Variants in DOCK11 observed in about 807,000 individuals in gnomAD.
The protein encoded by DOCK11 is dedicator of cytokinesis 11.
DOCK11 carries 70 observed loss-of-function variants against 169.1 expected under a neutral mutation model. That is an observed-to-expected ratio of 0.41 (90% confidence interval 0.34 to 0.51). The LOEUF is 0.51. Ranked by LOEUF, DOCK11 falls within the 20% of genes least tolerant of loss-of-function variation. DOCK11 has a pLI of 0.10. For synonymous variants in DOCK11, 529 were observed against 541.3 expected (o/e 0.98, Z 0.32); for missense variants, 1,166 against 1,538.8 (o/e 0.76, Z 4.05).
chrX:118,638,753 A>G (rs2015452670), intron 37 of DOCK11, among the ~76,000 whole-genome samples: 1 of 111,587 alleles, frequency 9.0e-6, no homozygotes, highest in Admixed American at 9.6e-5. Flanking sequence ...TCCTAAGGAT[A>G]GGTAGTTTGG....
intron 9 of DOCK11, among the ~76,000 whole-genome samples, chrX:118,566,980 A>G (rs1200909335): frequency 5.3e-5 from 6 of 112,514 alleles, no homozygotes; most frequent in African/African-American, 1.9e-4. Context: ...CAAAAGGATA[A>G]TGATGCAGCT....
intron 32 of DOCK11, 26 bp from the exon 33 acceptor site, chrX:118,627,478 G>A (rs766091076): frequency 8.9e-7 from 1 of 1,120,945 alleles, no homozygotes; most frequent in South Asian, 1.9e-5. Flanking sequence ...TTGTTTAAAT[G>A]ACACAGGTAT....
At chrX:118,556,817 G>A (rs1447433954) in intron 6 of DOCK11, among the ~76,000 whole-genome samples, 1 of 109,253 alleles carries the variant, frequency 9.2e-6, no homozygotes, top group African/African-American at 3.3e-5. Context: ...AGCACACTTG[G>A]CAGGACCTGA....
At chrX:118,532,934 G>T (rs1018279333) in intron 1 of DOCK11, among the ~76,000 whole-genome samples, 1 of 110,438 alleles carries the variant, frequency 9.1e-6, no homozygotes, top group African/African-American at 3.3e-5. Flanking sequence ...AGTCAAAGGA[G>T]CTATCACTTT....
chrX:118,566,188 A>G lies in DOCK11; in HGVS notation c.871+6A>G. ...GACGGTAGAAACAGCACAAGGTCAG[A>G]ATTTTAAAGTGATTTATTATTGAAG... On this transcript the variant is annotated splice_donor_region_variant and intron_variant, in intron 8 of 52. Transcript: ENST00000276202. 8.4e-7 allele frequency: 1 copy of G among 1,185,865 alleles called. No homozygotes were observed. Among genetic ancestry groups the G allele is most frequent in the Non-Finnish European group, 1.1e-6 (1 of 878,919 alleles).
intron 1 of DOCK11, among the ~76,000 whole-genome samples, chrX:118,539,603 A>G (rs2011889211): frequency 8.9e-6 from 1 of 111,933 alleles, no homozygotes; most frequent in South Asian, 3.7e-4. Flanking sequence ...ATCACAAGAA[A>G]TGTTAAATAT....
chrX:118,663,470 G>C, intron 45 of DOCK11, among the ~76,000 whole-genome samples: 1 of 111,067 alleles, frequency 9.0e-6, no homozygotes, highest in East Asian at 2.8e-4. Flanking sequence ...CACCCTGAAG[G>C]CATCCTAAGA....
intron 1 of DOCK11, among the ~76,000 whole-genome samples, chrX:118,537,445 C>A (rs58587486): frequency 0.011 from 1,281 of 111,455 alleles, 21 homozygotes; most frequent in East Asian, 0.092. Flanking sequence ...AACTAATGAC[C>A]TTTGGTATGG....
In DOCK11 at chrX:118,641,246, G is replaced by A; in HGVS notation, c.4201G>A (p.Ala1401Thr). 2 of 1,210,454 alleles carry A rather than the reference G, an allele frequency of 1.7e-6. No individual in the cohort carries two copies. Among genetic ancestry groups the A allele is most frequent in the Non-Finnish European group, 2.2e-6 (2 of 894,285 alleles). Residue 1401 changes from alanine (A) to threonine (T), a missense_variant, in exon 39 of 53, where the codon GCT becomes ACT. Coordinates refer to ENST00000276202, the MANE Select transcript of DOCK11 (RefSeq NM_144658.4). ...FHQALLEGNT[A>T]TEVSLTVLDT... ...CCAGGCACTTCTTGAAGGCAATACA[G>A]CTACTGAAGTTTCCCTAACAGTACT...
At chrX:118,612,017 A>G (rs2014696290) in intron 28 of DOCK11, among the ~76,000 whole-genome samples, 1 of 112,230 alleles carries the variant, frequency 8.9e-6, no homozygotes, top group African/African-American at 3.2e-5. Flanking sequence ...TAACTGTGAT[A>G]AAGTGGGTAA....
Position 118,514,571 on chromosome X carries a change from A to G in DOCK11, c.102+18498A>G, listed in dbSNP as rs771420703. Among the ~76,000 whole-genome samples, 47 of 111,710 alleles carry G rather than the reference A, an allele frequency of 4.2e-4. 1 individual carries two copies. Among genetic ancestry groups the G allele is most frequent in the Non-Finnish European group, 8.9e-4 (47 of 53,046 alleles). ...ACCCAGATTTCCTAGAGGGGACTTC[A>G]TGGCCCTTCATGTCCACCAGTAAGG... On this transcript the variant is annotated intron_variant, in intron 1 of 52. Coordinates refer to ENST00000276202, the MANE Select transcript of DOCK11 (RefSeq NM_144658.4).
chrX:118,590,392 C>A (rs973382358), intron 19 of DOCK11, 90 bp downstream of exon 19: 2 of 747,891 alleles, frequency 2.7e-6, no homozygotes, highest in Non-Finnish European at 4.0e-6. Flanking sequence ...CCAGCACTTT[C>A]AATCCCTGAG....
At chrX:118,574,128 A>T in intron 12 of DOCK11, 110 bp downstream of exon 12, 1 of 838,517 alleles carries the variant, frequency 1.2e-6, no homozygotes, top group Non-Finnish European at 1.7e-6. Context: ...TCTCTCTTGT[A>T]AGGTCTGTCG....
chrX:118,581,393 G>T (rs1438725635), intron 14 of DOCK11, among the ~76,000 whole-genome samples: 2 of 111,382 alleles, frequency 1.8e-5, no homozygotes, highest in African/African-American at 3.3e-5. Context: ...AGTAGCAGAG[G>T]TTGGTGTATG....
intron 1 of DOCK11, among the ~76,000 whole-genome samples, chrX:118,514,085 C>G (rs2057667395): frequency 9.0e-6 from 1 of 111,113 alleles, no homozygotes; most frequent in Non-Finnish European, 1.9e-5. Flanking sequence ...GCATGCTGTT[C>G]TGGTGATAGT....
At chrX:118,581,128 G>C (rs1402561167) in intron 14 of DOCK11, among the ~76,000 whole-genome samples, 2 of 112,146 alleles carry the variant, frequency 1.8e-5, no homozygotes, top group Non-Finnish European at 3.8e-5. Context: ...AGCCTGTACA[G>C]CTCACTGGGG....
chrX:118,599,086 C>A, intron 22 of DOCK11, 53 bp from the exon 23 acceptor site: 1 of 992,107 alleles, frequency 1.0e-6, no homozygotes, highest in Non-Finnish European at 1.4e-6. Flanking sequence ...AGAGAGCTTG[C>A]ATTTGAGGAT....
chrX:118,618,763 G>A, intron 31 of DOCK11, 35 bp downstream of exon 31: 1 of 1,037,573 alleles, frequency 9.6e-7, no homozygotes, highest in Non-Finnish European at 1.3e-6. Flanking sequence ...GTATCACACT[G>A]GTAGAGTTCT....
At chrX:118,578,218 T>C (rs760787759) in intron 12 of DOCK11, among the ~76,000 whole-genome samples, 23 of 112,031 alleles carry the variant, frequency 2.1e-4, no homozygotes, top group Non-Finnish European at 3.6e-4. Flanking sequence ...TAAAAATGTA[T>C]ATCTAGTTCC....
Sources: gnomAD v4.1 joint callset for allele counts (sites outside exome capture counted in the v4.1 genomes callset) on GRCh38, gnomAD v4.1.1 for gene constraint, MANE v1.5 for transcripts, NCBI Gene and HGNC (gene_info 2026-07-23, HGNC 2026-07-21) for gene names.